Variants in COL9A3 observed in about 807,000 individuals in gnomAD.
The protein encoded by COL9A3 is collagen alpha-3(IX) chain.
A neutral mutation model predicts 110.2 loss-of-function variants in COL9A3; 82 were observed. The ratio of observed to expected loss-of-function variants is 0.74; its 90% CI spans 0.62 to 0.89. The LOEUF is 0.89. COL9A3 is among the 40% of genes least tolerant of loss of function. COL9A3 has a pLI of 0.00. For synonymous variants in COL9A3, 494 were observed against 403.8 expected, an observed-to-expected ratio of 1.22 and a Z score of -2.68; for missense variants, 1,066 against 981.3, an observed-to-expected ratio of 1.09 and a Z score of -1.15.
chr20:62,829,515 C>T lies in COL9A3; in HGVS notation c.1053+16C>T, dbSNP rs760538710. ...GGGAGAACGGGTATGTGGCTGCAGCCGCTTTCTCTCTGGGAGGGGAGGCGA... is the reference window on the plus strand; with the variant it reads ...GGGAGAACGGGTATGTGGCTGCAGCTGCTTTCTCTCTGGGAGGGGAGGCGA... On this transcript the variant is annotated intron_variant, in intron 20 of 31. Transcript: ENST00000649368. 1.4e-5 allele frequency: 22 copies of T among 1,607,638 alleles called. No individual in the cohort carries two copies. Among genetic ancestry groups the T allele is most frequent in the Non-Finnish European group, 1.7e-5 (20 of 1,176,842 alleles).
At chr20:62,817,543 C>T (rs1192544334) in intron 1 of COL9A3, 24 bp from the exon 2 acceptor site, 3 of 1,523,290 alleles carry the variant, frequency 2.0e-6, no homozygotes, top group South Asian at 1.2e-5. Context: ...ACCTGCGCTC[C>T]TTAATGAGTT....
At position 62,835,924 on chromosome 20, in the gene COL9A3, C is replaced by T; in HGVS notation, c.1372C>T (p.Pro458Ser). ...GLPGDKGELG[P>S]SGLVGPKGES... ...CACACAACTTTTCTCTTCACAGGGTCCCAGCGGCCTGGTCGGACCCAAAGG... is the reference window on the plus strand; with the variant it reads ...CACACAACTTTTCTCTTCACAGGGTTCCAGCGGCCTGGTCGGACCCAAAGG... The change falls in exon 27 of 32, where the codon CCC becomes TCC. Residue 458 changes from proline to serine, a missense_variant. Coordinates refer to ENST00000649368, the MANE Select transcript of COL9A3 (RefSeq NM_001853.4). 1 of 1,614,230 alleles carries T rather than the reference C, an allele frequency of 6.2e-7. No homozygotes were observed. Among genetic ancestry groups the T allele is most frequent in the Non-Finnish European group, 8.5e-7 (1 of 1,180,038 alleles).
intron 26 of COL9A3, among the ~76,000 whole-genome samples, chr20:62,834,715 T>C (rs906372126): frequency 3.3e-5 from 5 of 152,136 alleles, no homozygotes; most frequent in African/African-American, 1.2e-4. Context: ...TGATCTCAGC[T>C]CACTGCAATC....
At chr20:62,838,892 A>G in intron 31 of COL9A3, 131 bp downstream of exon 31, 1 of 803,434 alleles carries the variant, frequency 1.2e-6, no homozygotes, top group Non-Finnish European at 2.1e-6. Context: ...TCTTAGAGAC[A>G]AGATTAGGAA....
chr20:62,817,156 C>A lies in COL9A3; in HGVS notation c.78+14C>A. 7.2e-7 allele frequency: 1 copy of A among 1,386,610 alleles called. No homozygotes were observed. Among genetic ancestry groups the A allele is most frequent in the Non-Finnish European group, 9.4e-7 (1 of 1,064,218 alleles). The allele number at this position is 1,386,610 out of a possible 1,614,324, so 85.9% of individuals were successfully genotyped here. The stretch of plus-strand genomic sequence containing the variant: ...GCCGGGGCGCAGGTGAGCGCGAGCT[C>A]CGGGCTCTGAGGCTGGACGTGGAGC... On this transcript the variant is annotated intron_variant, in intron 1 of 31. Transcript: ENST00000649368.
intron 26 of COL9A3, among the ~76,000 whole-genome samples, chr20:62,834,170 G>A (rs550673701): frequency 1.3e-5 from 2 of 152,088 alleles, no homozygotes; most frequent in South Asian, 2.1e-4. Flanking sequence ...CACCGCCCCT[G>A]GCCTAATTGT....
At chr20:62,820,891 C>T (rs2063507442) in intron 5 of COL9A3, among the ~76,000 whole-genome samples, 1 of 152,148 alleles carries the variant, frequency 6.6e-6, no homozygotes, top group Admixed American at 6.5e-5. Flanking sequence ...GGGAGGGCTT[C>T]CTGGTGGAGA....
intron 13 of COL9A3, 92 bp from the exon 14 acceptor site, chr20:62,826,112 G>T: frequency 7.3e-7 from 1 of 1,368,254 alleles, no homozygotes; most frequent in African/African-American, 1.4e-5. Flanking sequence ...AGACACCAGG[G>T]CTCCCAGGGG....
chr20:62,838,603 T>TA, intron 30 of COL9A3, 81 bp from the exon 31 acceptor site: 1 of 1,281,578 alleles, frequency 7.8e-7, no homozygotes, highest in Non-Finnish European at 1.1e-6. Context: ...CCCTGTTTGT[T>TA]ACAAAGGTTG....
At chr20:62,825,466 C>T (rs748138991) in intron 12 of COL9A3, 9 of 400,894 alleles carry the variant, frequency 2.2e-5, no homozygotes, top group Admixed American at 4.0e-5. Context: ...ACCTGCAGGC[C>T]GGGGGACCAG....
At chr20:62,832,092 G>C in intron 24 of COL9A3, 62 bp from the exon 25 acceptor site, 1 of 1,528,506 alleles carries the variant, frequency 6.5e-7, no homozygotes, top group East Asian at 2.2e-5. Flanking sequence ...CTGGGCCCAG[G>C]GCAGGCTCAC....
chr20:62,821,996 TCCGTGGGAGTGGGGG>T, intron 8 of COL9A3, 100 bp from the exon 9 acceptor site: 2 of 810,538 alleles, frequency 2.5e-6, no homozygotes, highest in South Asian at 2.7e-5. Flanking sequence ...ACCAGCACAG[TCCGTGGGAGTGGGGG>T]CTGGTGGGAG....
Position 62,817,075 on chromosome 20 carries a change from C to A in COL9A3, c.11C>A (p.Pro4Gln). Residue 4 changes from proline to glutamine, a missense_variant, in exon 1 of 32, where the codon CCG becomes CAG. Transcript: ENST00000649368. Reference protein sequence around the residue: MAGPRACAPLLLLL... With the variant: MAGQRACAPLLLLL... ...AGACTCCGCTCAGCCATGGCCGGGC[C>A]GCGCGCGTGCGCCCCGCTCCTGCTC... is the stretch of plus-strand genomic sequence containing the variant. The A allele has an allele frequency of 2.2e-6, 3 of 1,385,068 alleles. No individual in the cohort carries two copies. Among genetic ancestry groups the A allele is most frequent in the Non-Finnish European group, 2.8e-6 (3 of 1,063,236 alleles). 85.8% of individuals were successfully genotyped at this position (1,385,068 alleles called of 1,614,324 possible).
At chr20:62,828,718 G>A in intron 17 of COL9A3, 46 bp from the exon 18 acceptor site, 1 of 1,606,214 alleles carries the variant, frequency 6.2e-7, no homozygotes, top group South Asian at 1.1e-5. Context: ...TAGAGGGAGG[G>A]AGGGGGGCCA....
chr20:62,821,997 C>A, intron 8 of COL9A3, 114 bp from the exon 9 acceptor site: 1 of 820,156 alleles, frequency 1.2e-6, no homozygotes, highest in Non-Finnish European at 2.2e-6. Context: ...CCAGCACAGT[C>A]CGTGGGAGTG....
chr20:62,833,071 A>G lies in COL9A3; in HGVS notation c.1368+7A>G. The stretch of plus-strand genomic sequence containing the variant: ...TGGGGATAAAGGAGAACTGGTGAGT[A>G]ATTAGGTAACCTCACTGTTACCAAC... On this transcript the variant is annotated splice_region_variant and intron_variant, in intron 26 of 31. Coordinates refer to ENST00000649368, the MANE Select transcript of COL9A3 (RefSeq NM_001853.4). The G allele has an allele frequency of 6.2e-7, 1 of 1,611,948 alleles. No individual in the cohort carries two copies.
rs1270882413 is a variant in COL9A3 at position 62,836,752 on chromosome 20, A to G, written c.1603+220A>G. On this transcript the variant is annotated intron_variant, in intron 29 of 31. Coordinates refer to ENST00000649368, the MANE Select transcript of COL9A3 (RefSeq NM_001853.4). ...ACGCTCCCGCCCCGGATTCAACCAG[A>G]TTCCCAGCACGCAGCAGACGCCCTA... The G allele has an allele frequency of 2.1e-5, 13 of 630,002 alleles. No homozygotes were observed. The East Asian group carries it at 3.0e-4, about 15-fold the overall frequency. The allele number at this position is 630,002 out of a possible 1,614,324, so 39.0% of individuals were successfully genotyped here.
At chr20:62,831,202 C>T (rs548947317) in intron 24 of COL9A3, 2 of 152,300 alleles carry the variant, frequency 1.3e-5, no homozygotes, top group African/African-American at 4.8e-5. Context: ...CTCGTCAAGA[C>T]TTTTTCCTGC....
chr20:62,836,244 G>A lies in COL9A3; in HGVS notation c.1459G>A (p.Gly487Ser), dbSNP rs777612158. 1.4e-5 allele frequency: 22 copies of A among 1,613,592 alleles called. No individual in the cohort carries two copies. The highest frequency in any genetic ancestry group is 8.0e-5 in the African/African-American group (6 of 74,944). The stretch of plus-strand genomic sequence containing the variant: ...CACCCAGGGTCCCAACGGCACCAGC[G>A]GTGTTCAGGGTGTCCCCGGGCCCCC... ...KGTQGPNGTS[G>S]VQGVPGPPGP... Residue 487 changes from glycine (G) to serine (S), a missense_variant, in exon 28 of 32, where the codon GGT becomes AGT. Coordinates refer to ENST00000649368, the MANE Select transcript of COL9A3 (RefSeq NM_001853.4).
Sources: allele counts gnomAD v4.1 joint callset (sites outside exome capture counted in the v4.1 genomes callset), GRCh38; gene constraint gnomAD v4.1.1; transcripts MANE v1.5; gene names NCBI Gene and HGNC (gene_info 2026-07-23, HGNC 2026-07-21).